Variants in CACNB2 observed in about 807,000 individuals in gnomAD.
CACNB2 encodes the protein voltage-dependent L-type calcium channel subunit beta-2.
CACNB2 carries 42 observed loss-of-function variants against 73.3 expected under a neutral mutation model. That is an observed-to-expected ratio of 0.57 (90% CI 0.45 to 0.74). The LOEUF (loss-of-function observed/expected upper bound fraction) is 0.74. Ranked by LOEUF, CACNB2 falls within the 30% of genes least tolerant of loss-of-function variation. The pLI is 0.00. For missense variants in CACNB2, 940 were observed against 853.0 expected, an observed-to-expected ratio of 1.10 and a Z score of -1.27; for synonymous variants, 348 against 310.3, an observed-to-expected ratio of 1.12 and a Z score of -1.28.
chr10:18,527,713 G>A lies in CACNB2; in HGVS notation c.1054+16G>A, dbSNP rs768372496. On this transcript the variant is annotated intron_variant, in intron 10 of 13. Transcript: ENST00000324631. ...TCAAGCTTAGGTAAGTCTGTGCAAT[G>A]AGCTTAAGCTTTTTAAACTCTCCTC... The A allele has an allele frequency of 6.6e-7, 1 of 1,506,428 alleles. No homozygotes were observed. The highest frequency in any genetic ancestry group is 1.7e-5 in the Admixed American group (1 of 59,878). 93.3% of individuals were successfully genotyped at this position (1,506,428 alleles called of 1,614,324 possible). A position where few individuals can be genotyped will look rare whatever the true frequency, so the allele number is the denominator to read the frequency against.
intron 2 of CACNB2, among the ~76,000 whole-genome samples, chr10:18,308,237 G>A (rs570845521): frequency 8.3e-4 from 126 of 151,968 alleles, no homozygotes; most frequent in African/African-American, 2.9e-3. Flanking sequence ...GAAGTGATCC[G>A]CCTGCCTTGG....
chr10:18,455,731 C>G (rs557725310), intron 3 of CACNB2, among the ~76,000 whole-genome samples: 1 of 152,328 alleles, frequency 6.6e-6, no homozygotes, highest in African/African-American at 2.4e-5. Context: ...CATCTGTGTT[C>G]CAGCTGCTGT....
At chr10:18,295,173 A>G (rs2039225876) in intron 2 of CACNB2, among the ~76,000 whole-genome samples, 1 of 152,250 alleles carries the variant, frequency 6.6e-6, no homozygotes, top group Admixed American at 6.5e-5. Context: ...TTAAGGATAC[A>G]GGCTAATAGG....
chr10:18,335,017 G>T (rs533010656), intron 2 of CACNB2, among the ~76,000 whole-genome samples: 1 of 151,636 alleles, frequency 6.6e-6, no homozygotes, highest in Non-Finnish European at 1.5e-5. Flanking sequence ...GAAAAAAACC[G>T]TGAAAACATG....
intron 2 of CACNB2, among the ~76,000 whole-genome samples, chr10:18,277,681 CT>C (rs1252141965): frequency 6.6e-6 from 1 of 152,160 alleles, no homozygotes; most frequent in East Asian, 1.9e-4. Flanking sequence ...TTAACAATGT[CT>C]ACACTTATTC....
chr10:18,291,029 G>T (rs1274385634), intron 2 of CACNB2, among the ~76,000 whole-genome samples: 3 of 152,198 alleles, frequency 2.0e-5, no homozygotes, highest in African/African-American at 7.2e-5. Flanking sequence ...CTGGTTGTTA[G>T]GATACCAGCC....
chr10:18,248,514 C>T (rs2036956648), intron 2 of CACNB2, among the ~76,000 whole-genome samples: 1 of 152,150 alleles, frequency 6.6e-6, no homozygotes, highest in Non-Finnish European at 1.5e-5. Flanking sequence ...ATAGTGTTCT[C>T]AACTAAATCC....
chr10:18,429,825 AAC>A (rs1589327223), intron 3 of CACNB2, among the ~76,000 whole-genome samples: 2 of 151,170 alleles, frequency 1.3e-5, no homozygotes, highest in Non-Finnish European at 3.0e-5. Context: ...AAAAAAAAAA[AAC>A]AAATTAACCA....
chr10:18,433,311 C>G (rs2045979109), intron 3 of CACNB2, among the ~76,000 whole-genome samples: 1 of 152,102 alleles, frequency 6.6e-6, no homozygotes, highest in Non-Finnish European at 1.5e-5. Context: ...ATAACTGGAT[C>G]AGCGACCACA....
At chr10:18,331,184 C>T (rs61839206) in intron 2 of CACNB2, among the ~76,000 whole-genome samples, 30,015 of 151,368 alleles carry the variant, frequency 0.2, 3,262 homozygotes, top group African/African-American at 0.28. Context: ...CGGGGTTTCA[C>T]CATGTCGGTC....
chr10:18,401,908 A>T lies in CACNB2; in HGVS notation c.214-16A>T, dbSNP rs766466077. 8 of 1,613,588 alleles carry T rather than the reference A, an allele frequency of 5.0e-6. No homozygotes were observed. The highest frequency in any genetic ancestry group is 5.1e-6 in the Non-Finnish European group (6 of 1,179,576). On this transcript the variant is annotated splice_polypyrimidine_tract_variant and intron_variant, in intron 2 of 13. Transcript: ENST00000324631. ...ATAGACTGAATCTACTTTAAAATGT[A>T]CATTTTCCTCTCCAGGGTTCGGCAG...
chr10:18,379,340 G>A (rs1452152939), intron 2 of CACNB2, among the ~76,000 whole-genome samples: 1 of 152,082 alleles, frequency 6.6e-6, no homozygotes, highest in Non-Finnish European at 1.5e-5. Flanking sequence ...AGGCTCCCTA[G>A]TAGCTAGGAC....
At chr10:18,146,635 G>T (rs919547939) in intron 1 of CACNB2, among the ~76,000 whole-genome samples, 2 of 151,980 alleles carry the variant, frequency 1.3e-5, no homozygotes, top group East Asian at 1.9e-4. Context: ...CCGCCACCAC[G>T]CCTGGCGAAT....
At chr10:18,388,630 C>A (rs1240456608) in intron 2 of CACNB2, among the ~76,000 whole-genome samples, 1 of 152,098 alleles carries the variant, frequency 6.6e-6, no homozygotes, top group Non-Finnish European at 1.5e-5. Context: ...TAATATTTTA[C>A]TACCAAATTA....
At chr10:18,208,086 T>C (rs2035168481) in intron 2 of CACNB2, among the ~76,000 whole-genome samples, 1 of 152,202 alleles carries the variant, frequency 6.6e-6, no homozygotes, top group African/African-American at 2.4e-5. Context: ...ATAAAAACAC[T>C]TTAACACAAA....
chr10:18,373,712 C>G (rs2042680296), intron 2 of CACNB2, among the ~76,000 whole-genome samples: 1 of 152,154 alleles, frequency 6.6e-6, no homozygotes, highest in Non-Finnish European at 1.5e-5. Context: ...TCAGATTTTT[C>G]ATTAGTATTT....
chr10:18,274,031 C>T (rs887761298), intron 2 of CACNB2, among the ~76,000 whole-genome samples: 1 of 152,062 alleles, frequency 6.6e-6, no homozygotes, highest in South Asian at 2.1e-4. Context: ...TTTGCTTTTC[C>T]AGAAAGTTCC....
intron 2 of CACNB2, among the ~76,000 whole-genome samples, chr10:18,183,347 T>C (rs1262578286): frequency 6.6e-6 from 1 of 151,006 alleles, no homozygotes; most frequent in African/African-American, 2.4e-5. Flanking sequence ...TTTTTTTTCA[T>C]TAAAAAACTC....
At chr10:18,302,932 T>C (rs4748447) in intron 2 of CACNB2, among the ~76,000 whole-genome samples, 109,600 of 152,082 alleles carry the variant, frequency 0.72, 40,315 homozygotes, top group Middle Eastern at 0.81. Context: ...CATATTGCAG[T>C]TTTGTGTAAT....
Sources: gnomAD v4.1 joint callset for allele counts (sites outside exome capture counted in the v4.1 genomes callset) on GRCh38, gnomAD v4.1.1 for gene constraint, MANE v1.5 for transcripts, NCBI Gene and HGNC (gene_info 2026-07-23, HGNC 2026-07-21) for gene names.